Variants in RBM6 observed in about 807,000 individuals in gnomAD.
RBM6 encodes the protein RNA-binding protein 6.
Under a neutral mutation model 140.4 loss-of-function variants are expected in RBM6, and 23 were observed. The observed-to-expected ratio is 0.16, with a 90% CI of 0.12 to 0.23. RBM6 has a LOEUF of 0.23. Among genes scored for constraint, RBM6 ranks in the 10% least tolerant of loss-of-function variants. RBM6 has a pLI of 1.00. For synonymous variants in RBM6, 439 were observed against 475.6 expected (o/e 0.92, Z 1.00); for missense variants, 1,139 against 1,386.7 (o/e 0.82, Z 2.84).
At chr3:49,999,020 T>G (rs928206414) in intron 5 of RBM6, among the ~76,000 whole-genome samples, 6 of 151,982 alleles carry the variant, frequency 3.9e-5, no homozygotes, top group Admixed American at 2.0e-4. Flanking sequence ...TTGCTTTTTT[T>G]TCTTCTCTCG....
intron 6 of RBM6, among the ~76,000 whole-genome samples, chr3:50,022,371 C>T (rs933180578): frequency 6.6e-6 from 1 of 151,230 alleles, no homozygotes; most frequent in Admixed American, 6.6e-5. Context: ...ACCCTTGTTG[C>T]CCAGGCTAGA....
intron 6 of RBM6, among the ~76,000 whole-genome samples, chr3:50,003,504 T>G (rs1440384903): frequency 6.6e-6 from 1 of 152,108 alleles, no homozygotes; most frequent in Non-Finnish European, 1.5e-5. Flanking sequence ...TTCCGACTCT[T>G]GATGTGAAAT....
intron 17 of RBM6, among the ~76,000 whole-genome samples, chr3:50,067,599 G>A (rs2090162540): frequency 6.6e-6 from 1 of 152,160 alleles, no homozygotes; most frequent in Non-Finnish European, 1.5e-5. Flanking sequence ...AGTGAATATT[G>A]TTATGAGCCA....
At chr3:50,075,466 CTT>C in intron 20 of RBM6, 136 bp downstream of exon 20, 1 of 1,215,848 alleles carries the variant, frequency 8.2e-7, no homozygotes, top group Non-Finnish European at 1.1e-6. Context: ...GAGTTGAACA[CTT>C]TAGCCTTGAA....
chr3:49,961,653 G>A (rs62262114), intron 1 of RBM6, among the ~76,000 whole-genome samples: 53,624 of 151,328 alleles, frequency 0.35, 10,112 homozygotes, highest in Non-Finnish European at 0.44. Context: ...ACAAAAATTA[G>A]CCGGGCATGG....
At chr3:49,989,364 C>G (rs1214476088) in intron 5 of RBM6, among the ~76,000 whole-genome samples, 2 of 152,156 alleles carry the variant, frequency 1.3e-5, no homozygotes, top group East Asian at 3.9e-4. Flanking sequence ...CACTTGAGGT[C>G]AGGAGTTCAA....
At chr3:49,950,276 G>T (rs1042864604) in intron 1 of RBM6, among the ~76,000 whole-genome samples, 1 of 152,064 alleles carries the variant, frequency 6.6e-6, no homozygotes, top group African/African-American at 2.4e-5. Flanking sequence ...TCAAGCTGCT[G>T]CATACCACAG....
intron 15 of RBM6, among the ~76,000 whole-genome samples, chr3:50,062,553 A>G (rs2089981291): frequency 6.6e-6 from 1 of 151,666 alleles, no homozygotes; most frequent in Non-Finnish European, 1.5e-5. Context: ...TGGTGTAGGC[A>G]ATTCCCTCAC....
intron 6 of RBM6, among the ~76,000 whole-genome samples, chr3:50,002,898 T>C (rs1186508533): frequency 2.0e-5 from 3 of 151,918 alleles, no homozygotes; most frequent in Admixed American, 6.6e-5. Context: ...GAGCGGATCA[T>C]GAGGTCAGGA....
At chr3:49,948,807 T>G in intron 1 of RBM6, among the ~76,000 whole-genome samples, 1 of 142,888 alleles carries the variant, frequency 7.0e-6, no homozygotes, top group Non-Finnish European at 1.5e-5. Flanking sequence ...GGCAACAGAG[T>G]GAGACTATTT....
In RBM6 at chr3:49,967,482, A is replaced by G; in HGVS notation, c.57A>G (p.Glu19=). 1 of 1,613,262 alleles carries G rather than the reference A, an allele frequency of 6.2e-7. No individual in the cohort carries two copies. Among genetic ancestry groups the G allele is most frequent in the Non-Finnish European group, 8.5e-7 (1 of 1,179,300 alleles). Residue 19 remains glutamate (E), a synonymous_variant, in exon 3 of 21, where the codon GAA becomes GAG. Transcript: ENST00000266022. The surrounding 1 kb of genome is among the most constrained non-coding windows in gnomAD (Gnocchi z 4.0). ...TTTGTTTCTACAGTGGGAGCCAAGAAGAAAGGTTTGCTCCCGGGTGGAACA... is the reference window on the plus strand; with the variant it reads ...TTTGTTTCTACAGTGGGAGCCAAGAGGAAAGGTTTGCTCCCGGGTGGAACA... The part of the protein sequence containing the change: ...NRTGPFRGSQ[E]ERFAPGWNRD...
intron 6 of RBM6, among the ~76,000 whole-genome samples, chr3:50,031,606 G>A (rs1474861782): frequency 2.0e-5 from 3 of 152,016 alleles, no homozygotes; most frequent in Non-Finnish European, 4.4e-5. Context: ...GGGAGTGATA[G>A]CATTAGGAGA....
intron 1 of RBM6, among the ~76,000 whole-genome samples, chr3:49,958,630 A>T (rs529739098): frequency 4.5e-4 from 68 of 151,846 alleles, no homozygotes; most frequent in African/African-American, 1.6e-3. Context: ...GGGCGCCTGT[A>T]GTCCCAGTTA....
intron 20 of RBM6, 146 bp downstream of exon 20, chr3:50,075,476 G>A (rs1479427697): frequency 1.8e-6 from 2 of 1,115,646 alleles, no homozygotes; most frequent in Non-Finnish European, 2.5e-6. Context: ...CTTTAGCCTT[G>A]AATACTGGGT....
chr3:50,062,030 C>T lies in RBM6; in HGVS notation c.2508C>T (p.Thr836=), dbSNP rs763969538. ...AAGAGATCAAGGAAAAAAAACCCAC[C>T]AGTCAAGGAAAGTCAAGTAGCAAGA... ...EEEEIKEKKP[T]SQGKSSSKKE... is the part of the protein sequence containing the mutation. The change falls in exon 15 of 21, where the codon ACC becomes ACT. Residue 836 remains threonine, a synonymous_variant. Coordinates refer to ENST00000266022, the MANE Select transcript of RBM6 (RefSeq NM_005777.3). 1 of 1,613,798 alleles carries T rather than the reference C, an allele frequency of 6.2e-7. No homozygotes were observed. Among genetic ancestry groups the T allele is most frequent in the South Asian group, 1.1e-5 (1 of 91,048 alleles).
intron 6 of RBM6, among the ~76,000 whole-genome samples, chr3:50,025,422 C>CA (rs1311142491): frequency 6.6e-6 from 1 of 150,954 alleles, no homozygotes; most frequent in Non-Finnish European, 1.5e-5. Context: ...GACTCTATCT[C>CA]AAAAAAGAAA....
At chr3:49,956,413 G>A (rs1329471083) in intron 1 of RBM6, among the ~76,000 whole-genome samples, 1 of 128,166 alleles carries the variant, frequency 7.8e-6, no homozygotes, top group East Asian at 2.4e-4. Context: ...TCAGCTCACT[G>A]CAACCTCCGC....
intron 5 of RBM6, among the ~76,000 whole-genome samples, chr3:49,990,361 A>G (rs552645454): frequency 1.3e-5 from 2 of 152,316 alleles, no homozygotes; most frequent in East Asian, 3.9e-4. Flanking sequence ...GTATCTAAAT[A>G]TAGAAAAGGT....
At chr3:50,005,261 C>T (rs981970249) in intron 6 of RBM6, among the ~76,000 whole-genome samples, 1 of 152,070 alleles carries the variant, frequency 6.6e-6, no homozygotes, top group Non-Finnish European at 1.5e-5. Context: ...CTTTTGCAGG[C>T]TGTGACAGGA....
Sources: gnomAD v4.1 joint callset for allele counts (sites outside exome capture counted in the v4.1 genomes callset) on GRCh38, gnomAD v4.1.1 for gene constraint, Gnocchi (gnomAD v3.1) non-coding constraint, MANE v1.5 for transcripts, NCBI Gene and HGNC (gene_info 2026-07-23, HGNC 2026-07-21) for gene names.